Variants in CABIN1 observed in about 807,000 individuals in gnomAD.
The protein encoded by CABIN1 is calcineurin-binding protein cabin-1.
CABIN1 carries 133 observed loss-of-function variants against 227.7 expected under a neutral mutation model. That is an observed-to-expected ratio of 0.58 (90% CI 0.51 to 0.67). CABIN1 has a LOEUF of 0.67. Among genes scored for constraint, CABIN1 ranks in the 30% least tolerant of loss-of-function variants. The pLI is 0.00. For missense variants in CABIN1, 2,408 were observed against 2,852.5 expected (o/e 0.84, Z 3.55); for synonymous variants, 1,086 against 1,155.1 (o/e 0.94, Z 1.21).
intron 1 of CABIN1, among the ~76,000 whole-genome samples, chr22:24,013,888 G>A (rs2035035019): frequency 6.6e-6 from 1 of 152,072 alleles, no homozygotes; most frequent in Non-Finnish European, 1.5e-5. Context: ...TAATGATTGG[G>A]GTGAGATTAT....
At chr22:24,101,841 A>G (rs1267149911) in intron 26 of CABIN1, 1 of 151,020 alleles carries the variant, frequency 6.6e-6, no homozygotes, top group African/African-American at 2.5e-5. Flanking sequence ...CTCTACCCCT[A>G]CCCTGTGTAC....
In CABIN1 at chr22:24,106,886, A is replaced by C. The variant is rs117708777; in HGVS notation, c.4118-6680A>C. On this transcript the variant is annotated intron_variant, in intron 26 of 36. Coordinates refer to ENST00000263119, the MANE Select transcript of CABIN1 (RefSeq NM_012295.4). ...GTGTTCTTTCAGTCTGACTGGCTTG[A>C]AACTTGGTATGAAACCTTGGGTTGA... 6.7e-3 allele frequency among the ~76,000 whole-genome samples: 1,022 copies of C among 152,302 alleles called. 4 individuals carry two copies. The highest frequency in any genetic ancestry group is 0.012 in the Non-Finnish European group (816 of 68,022).
chr22:24,076,269 T>C lies in CABIN1; in HGVS notation c.2733T>C (p.Ala911=). The change falls in exon 19 of 37, where the codon GCT becomes GCC. Residue 911 remains alanine, a synonymous_variant. Coordinates refer to ENST00000263119, the MANE Select transcript of CABIN1 (RefSeq NM_012295.4). ...CCTGGTGCTGCAATTCAGATGGGGC[T>C]CTGCTGCGATTCTATGTAAGTGCTT... ...RRSWCCNSDG[A]LLRFYVRVLQ... 1.2e-6 allele frequency: 2 copies of C among 1,613,928 alleles called. No homozygotes were observed. Among genetic ancestry groups the C allele is most frequent in the South Asian group, 2.2e-5 (2 of 91,082 alleles).
At chr22:24,144,409 T>C (rs2044978555) in intron 29 of CABIN1, among the ~76,000 whole-genome samples, 1 of 152,206 alleles carries the variant, frequency 6.6e-6, no homozygotes, top group South Asian at 2.1e-4. Flanking sequence ...TGCCCAGCCC[T>C]TGGTCACCTG....
chr22:24,149,919 T>C (rs2045382802), intron 29 of CABIN1, among the ~76,000 whole-genome samples: 1 of 152,238 alleles, frequency 6.6e-6, no homozygotes, highest in Non-Finnish European at 1.5e-5. Context: ...AGGCCATGCC[T>C]CGGCTTAGGC....
chr22:24,056,486 T>G, intron 10 of CABIN1, 126 bp downstream of exon 10: 1 of 950,886 alleles, frequency 1.1e-6, no homozygotes, highest in East Asian at 2.5e-5. Flanking sequence ...CCATAACATC[T>G]GTGCAGATGT....
In CABIN1 at chr22:24,167,060, C is replaced by T; in HGVS notation, c.5429C>T (p.Pro1810Leu). The T allele has an allele frequency of 6.5e-7, 1 of 1,545,450 alleles. No homozygotes were observed. Among genetic ancestry groups the T allele is most frequent in the South Asian group, 1.2e-5 (1 of 83,868 alleles). The change falls in exon 32 of 37, where the codon CCC becomes CTC. Residue 1810 changes from proline to leucine, a missense_variant. Transcript: ENST00000263119. ...CTGAGCATCAGTGCCCGGCAGCAGC[C>T]CACCCCGCTCACCCCAGCCCAGCCA... is the stretch of plus-strand genomic sequence containing the variant. ...EELSISARQQ[P>L]TPLTPAQPAP... is the part of the protein sequence containing the mutation.
At chr22:24,019,618 T>C (rs573206717) in intron 1 of CABIN1, among the ~76,000 whole-genome samples, 52 of 151,736 alleles carry the variant, frequency 3.4e-4, no homozygotes, top group African/African-American at 1.2e-3. Flanking sequence ...GTATATCATA[T>C]TATCTACAAT....
At chr22:24,099,213 G>A (rs1199462823) in intron 26 of CABIN1, among the ~76,000 whole-genome samples, 1 of 152,206 alleles carries the variant, frequency 6.6e-6, no homozygotes, top group Non-Finnish European at 1.5e-5. Context: ...TATAGCATGG[G>A]CATCTGCCTC....
rs764417825 is a variant in CABIN1, at chr22:24,176,177, C to T, written c.6107C>T (p.Pro2036Leu). The T allele has an allele frequency of 5.0e-6, 8 of 1,610,908 alleles. No homozygotes were observed. The highest frequency in any genetic ancestry group is 4.5e-5 in the East Asian group (2 of 44,792). Reference protein sequence around the residue: ...SFPPQEPRHSPQVKMAPTSSP... With the variant: ...SFPPQEPRHSLQVKMAPTSSP... ...CCGCCTCAGGAGCCACGGCACAGTC[C>T]GCAGGTGAAGATGGCCCCCACAAGT... Residue 2036 changes from proline to leucine, a missense_variant, in exon 35 of 37, where the codon CCG becomes CTG. By Grantham distance (98) the Pro-to-Leu change is moderately conservative. Transcript: ENST00000263119.
chr22:24,065,681 G>A (rs1450284271), intron 15 of CABIN1, among the ~76,000 whole-genome samples: 13 of 152,248 alleles, frequency 8.5e-5, no homozygotes, highest in African/African-American at 3.1e-4. Context: ...GTAGCAAGCC[G>A]AGATCACGCC....
intron 24 of CABIN1, among the ~76,000 whole-genome samples, chr22:24,093,041 C>T (rs1023662231): frequency 6.6e-6 from 1 of 152,150 alleles, no homozygotes; most frequent in African/African-American, 2.4e-5. Flanking sequence ...TGACAAGGCA[C>T]AGGCAGTGCA....
In CABIN1 at chr22:24,083,275, G is replaced by A. The variant is rs761321471; in HGVS notation, c.2796G>A (p.Thr932=). 7 of 1,613,156 alleles carry A rather than the reference G, an allele frequency of 4.3e-6. No homozygotes were observed. The highest frequency in any genetic ancestry group is 2.2e-5 in the East Asian group (1 of 44,882). Residue 932 remains threonine (T), a synonymous_variant, in exon 20 of 37, where the codon ACG becomes ACA. Coordinates refer to ENST00000263119, the MANE Select transcript of CABIN1 (RefSeq NM_012295.4). ...KELAASTSED[T]HPYKEELETA... ...TGGCTGCATCCACCTCTGAAGACAC[G>A]CACCCTTACAAGGAGGAGCTGGAGA...
At chr22:24,160,681 G>GCATGAGC (rs907338708) in intron 29 of CABIN1, among the ~76,000 whole-genome samples, 4 of 152,240 alleles carry the variant, frequency 2.6e-5, no homozygotes, top group Admixed American at 2.0e-4. Flanking sequence ...GCTGGAGACA[G>GCATGAGC]CATGAGCCAT....
At chr22:24,019,040 G>A (rs76040788) in intron 1 of CABIN1, among the ~76,000 whole-genome samples, 1,859 of 144,090 alleles carry the variant, frequency 0.013, 21 homozygotes, top group Non-Finnish European at 0.021. Flanking sequence ...CTACCATAAT[G>A]TCTTCTTTTA....
At chr22:24,164,645 C>G in intron 30 of CABIN1, 82 bp downstream of exon 30, 1 of 1,478,366 alleles carries the variant, frequency 6.8e-7, no homozygotes, top group Non-Finnish European at 9.2e-7. Context: ...CTCCACTGCT[C>G]TGGCCCAGCT....
intron 6 of CABIN1, among the ~76,000 whole-genome samples, chr22:24,048,489 C>G (rs1284797421): frequency 2.0e-5 from 3 of 152,106 alleles, no homozygotes; most frequent in Non-Finnish European, 4.4e-5. Context: ...GGTATGATCA[C>G]AGCTCACTGC....
intron 19 of CABIN1, among the ~76,000 whole-genome samples, chr22:24,082,072 T>C (rs1193250858): frequency 6.6e-6 from 1 of 150,836 alleles, no homozygotes; most frequent in Non-Finnish European, 1.5e-5. Flanking sequence ...TCTTCCTTGA[T>C]TTTATTCTCT....
At chr22:24,142,100 G>C (rs2044802504) in intron 29 of CABIN1, among the ~76,000 whole-genome samples, 1 of 152,110 alleles carries the variant, frequency 6.6e-6, no homozygotes. Flanking sequence ...TAACCTTGGA[G>C]GAACCCCCTC....
Sources: allele counts gnomAD v4.1 joint callset (sites outside exome capture counted in the v4.1 genomes callset), GRCh38; gene constraint gnomAD v4.1.1; transcripts MANE v1.5; gene names NCBI Gene and HGNC (gene_info 2026-07-23, HGNC 2026-07-21).